Variants in LZTS1 observed in about 807,000 individuals in gnomAD.
LZTS1 encodes the protein leucine zipper tumor suppressor 1, also known as leucine zipper putative tumor suppressor 1.
A neutral mutation model predicts 45.8 loss-of-function variants in LZTS1; 31 were observed. The ratio of observed to expected loss-of-function variants is 0.68; its 90% CI spans 0.51 to 0.91. The LOEUF (loss-of-function observed/expected upper bound fraction) is 0.91. Among genes scored for constraint, LZTS1 ranks in the 40% least tolerant of loss-of-function variants. LZTS1 has a pLI of 0.00. For synonymous variants in LZTS1, 359 were observed against 357.3 expected (o/e 1.00, Z -0.05); for missense variants, 821 against 788.9 (o/e 1.04, Z -0.49).
rs1799844782 is a variant in LZTS1, at chr8:20,249,994, GCCGCTCCAGCTC to G, written c.1507_1518del (p.Glu503_Arg506del). ...CGCTCCTCCCGCAGCTCGGCCCGCA[GCCGCTCCAGCTC>G]CCGCTGCAGGGCAGGGACGTCCTCG... is the stretch of plus-strand genomic sequence containing the variant. On this transcript the variant is annotated inframe_deletion, in exon 4 of 4. Transcript: ENST00000381569. The G allele has an allele frequency of 6.2e-7, 1 of 1,613,256 alleles. No individual in the cohort carries two copies. The highest frequency in any genetic ancestry group is 1.3e-5 in the African/African-American group (1 of 74,924).
chr8:20,287,897 C>CAAAAAA (rs34653802), intron 1 of LZTS1, among the ~76,000 whole-genome samples: 1 of 54,114 alleles, frequency 1.8e-5, no homozygotes, highest in Non-Finnish European at 3.4e-5. Flanking sequence ...GCACTCCAGC[C>CAAAAAA]AAAAAAAAAA....
Position 20,252,851 on chromosome 8 carries a change from C to T in LZTS1, c.1080G>A (p.Glu360=), listed in dbSNP as rs1371583098. 6.3e-7 allele frequency: 1 copy of T among 1,589,128 alleles called. No individual in the cohort carries two copies. Among genetic ancestry groups the T allele is most frequent in the Non-Finnish European group, 8.6e-7 (1 of 1,168,192 alleles). Residue 360 remains glutamate (E), a synonymous_variant, in exon 3 of 4, where the codon GAG becomes GAA. Coordinates refer to ENST00000381569, the MANE Select transcript of LZTS1 (RefSeq NM_021020.5). ...CCCTCTCGTAGGACCTGAGCTTGGT[C>T]TCCAGCAGGTCCTGCTCCTTCATGA... ...ESLMKEQDLL[E]TKLRSYEREK...
At chr8:20,284,948 C>T (rs1800761490) in intron 1 of LZTS1, among the ~76,000 whole-genome samples, 1 of 152,180 alleles carries the variant, frequency 6.6e-6, no homozygotes, top group Non-Finnish European at 1.5e-5. Context: ...GTGATCGAAA[C>T]TGATCTTACA....
At chr8:20,298,074 T>A (rs886136866) in intron 1 of LZTS1, among the ~76,000 whole-genome samples, 8 of 152,050 alleles carry the variant, frequency 5.3e-5, no homozygotes, top group African/African-American at 1.4e-4. Flanking sequence ...TTTTTATTTA[T>A]TTTTTGAGAC....
chr8:20,281,289 G>A (rs902005672), intron 1 of LZTS1, among the ~76,000 whole-genome samples: 1 of 152,076 alleles, frequency 6.6e-6, no homozygotes, highest in African/African-American at 2.4e-5. Context: ...CCTGGACACG[G>A]TGGCTCACGC....
chr8:20,290,005 C>T (rs1020869462), intron 1 of LZTS1: 3 of 152,184 alleles, frequency 2.0e-5, no homozygotes, highest in African/African-American at 7.2e-5. Context: ...TCTTTGATAT[C>T]TCCTGGAGCA....
intron 1 of LZTS1, 97 bp downstream of exon 1, chr8:20,303,643 G>A (rs1261749714): frequency 5.3e-6 from 5 of 943,684 alleles, no homozygotes; most frequent in African/African-American, 1.8e-5. Flanking sequence ...ACGCGCGGAC[G>A]CACGGACGGT....
At chr8:20,281,974 G>C (rs1800701598) in intron 1 of LZTS1, among the ~76,000 whole-genome samples, 1 of 152,098 alleles carries the variant, frequency 6.6e-6, no homozygotes, top group Non-Finnish European at 1.5e-5. Flanking sequence ...CCAGAGTATA[G>C]CCCCTGGCCA....
intron 1 of LZTS1, among the ~76,000 whole-genome samples, chr8:20,300,947 C>T (rs1160778347): frequency 6.6e-6 from 1 of 151,920 alleles, no homozygotes; most frequent in African/African-American, 2.4e-5. Context: ...TGACAAAACC[C>T]CATCTCTACT....
rs914228597 is a variant in LZTS1, at chr8:20,303,820, A to G, written c.-215T>C. 3.0e-6 allele frequency: 3 copies of G among 984,090 alleles called. No individual in the cohort carries two copies. The highest frequency in any genetic ancestry group is 1.2e-4 in the Admixed American group (2 of 16,206). The allele number at this position is 984,090 out of a possible 1,614,324, so 61.0% of individuals were successfully genotyped here. On this transcript the variant is annotated 5_prime_UTR_variant, in exon 1 of 4. Transcript: ENST00000381569. ...GGTGTGTTCCCGTCTCTCTTTTTCC[A>G]GAGCTGCTGAGCGGGCCGGGCCGGT... is the stretch of plus-strand genomic sequence containing the variant.
At chr8:20,262,478 A>C (rs1444883414) in intron 1 of LZTS1, among the ~76,000 whole-genome samples, 1 of 152,102 alleles carries the variant, frequency 6.6e-6, no homozygotes, top group Admixed American at 6.6e-5. Flanking sequence ...GTGTGTGTAT[A>C]CGTGTGCATG....
intron 1 of LZTS1, among the ~76,000 whole-genome samples, chr8:20,302,155 C>A (rs1801090921): frequency 6.6e-6 from 1 of 152,070 alleles, no homozygotes; most frequent in Non-Finnish European, 1.5e-5. Flanking sequence ...GCACAGAGAG[C>A]CCACCGCACC....
At chr8:20,281,709 T>A (rs1438251116) in intron 1 of LZTS1, among the ~76,000 whole-genome samples, 1 of 152,218 alleles carries the variant, frequency 6.6e-6, no homozygotes, top group Non-Finnish European at 1.5e-5. Flanking sequence ...CCATGTGATA[T>A]GTCTGTTCCC....
At position 20,251,583 on chromosome 8, in the gene LZTS1, T is replaced by A. The variant is rs189076892; in HGVS notation, c.1149+1199A>T. 9.2e-5 allele frequency among the ~76,000 whole-genome samples: 14 copies of A among 152,260 alleles called. 1 individual carries two copies. In the East Asian group the frequency reaches 2.1e-3, roughly 23 times the overall value. On this transcript the variant is annotated intron_variant, in intron 3 of 3. Coordinates refer to ENST00000381569, the MANE Select transcript of LZTS1 (RefSeq NM_021020.5). The stretch of plus-strand genomic sequence containing the variant: ...TGGCCAAGATCCAGAGACACATGGG[T>A]CTAACCTGTGGCTTCGGTTTTCATC...
At chr8:20,270,026 T>C (rs1800440486) in intron 1 of LZTS1, among the ~76,000 whole-genome samples, 1 of 152,214 alleles carries the variant, frequency 6.6e-6, no homozygotes. Context: ...CCTTACTCCA[T>C]CTATGCCTGA....
rs924604511 is a variant in LZTS1, at chr8:20,247,319, C to T, written c.*2403G>A. On this transcript the variant is annotated 3_prime_UTR_variant, in exon 4 of 4. Coordinates refer to ENST00000381569, the MANE Select transcript of LZTS1 (RefSeq NM_021020.5). ...CTCAGGCAACGTCTGAGGCAGAGCACTGGACTCTGACTGCTCTTTCCTGGA... is the reference window on the plus strand; with the variant it reads ...CTCAGGCAACGTCTGAGGCAGAGCATTGGACTCTGACTGCTCTTTCCTGGA... 6.6e-6 allele frequency: 1 copy of T among 151,088 alleles called. No individual in the cohort carries two copies. The highest frequency in any genetic ancestry group is 1.5e-5 in the Non-Finnish European group (1 of 68,010). The allele number at this position is 151,088 out of a possible 1,614,324, so 9.4% of individuals were successfully genotyped here. A position where few individuals can be genotyped will look rare whatever the true frequency, so the allele number is the denominator to read the frequency against.
At position 20,255,139 on chromosome 8, in the gene LZTS1, T is replaced by C; in HGVS notation, c.43A>G (p.Ser15Gly). The C allele has an allele frequency of 1.2e-6, 2 of 1,614,012 alleles. No homozygotes were observed. The highest frequency in any genetic ancestry group is 2.2e-5 in the South Asian group (2 of 91,082). ...TACTGCGAAGCCCGGCAGTGCTTGC[T>C]GTGGAAGCTGTGGCCGGAGATGAGG... Reference protein sequence around the residue: ...SSLISGHSFHSKHCRASQYKL... With the variant: ...SSLISGHSFHGKHCRASQYKL... The change falls in exon 2 of 4, where the codon AGC (serine) becomes GGC (glycine). Residue 15 changes from serine (S) to glycine (G), a missense_variant. Ser to Gly is a moderately conservative substitution (Grantham distance 56). Coordinates refer to ENST00000381569, the MANE Select transcript of LZTS1 (RefSeq NM_021020.5).
chr8:20,253,902 C>T (rs143421727), intron 2 of LZTS1, among the ~76,000 whole-genome samples: 8 of 152,310 alleles, frequency 5.3e-5, no homozygotes, highest in African/African-American at 1.9e-4. Flanking sequence ...CTGTGTGGGG[C>T]AAGTTAGGGC....
At chr8:20,278,797 T>G (rs1800632397) in intron 1 of LZTS1, among the ~76,000 whole-genome samples, 1 of 152,156 alleles carries the variant, frequency 6.6e-6, no homozygotes, top group South Asian at 2.1e-4. Flanking sequence ...TTGCAGCAAC[T>G]AGGCACTGCC....
Sources: allele counts gnomAD v4.1 joint callset (sites outside exome capture counted in the v4.1 genomes callset), GRCh38; gene constraint gnomAD v4.1.1; transcripts MANE v1.5; gene names NCBI Gene and HGNC (gene_info 2026-07-23, HGNC 2026-07-21).